Variants in TRPS1 observed in about 807,000 individuals in gnomAD.
TRPS1 encodes the protein transcriptional repressor GATA binding 1.
Under a neutral mutation model 101.2 loss-of-function variants are expected in TRPS1, and 6 were observed. The observed-to-expected ratio is 0.06, with a 90% CI of 0.03 to 0.12. The LOEUF is 0.12. TRPS1 is among the 10% of genes least tolerant of loss of function. The probability of loss-of-function intolerance (pLI) is 1.00; values close to 1 mark genes in which losing one functional copy is unlikely to be tolerated. For synonymous variants in TRPS1, 578 were observed against 589.8 expected (o/e 0.98, Z 0.29); for missense variants, 1,363 against 1,567.0 (o/e 0.87, Z 2.20).
chr8:115,444,824 A>C (rs2129899228), intron 5 of TRPS1, among the ~76,000 whole-genome samples: 1 of 152,218 alleles, frequency 6.6e-6, no homozygotes, highest in East Asian at 1.9e-4. Context: ...CACCATATCC[A>C]ATTAGTCACC....
At chr8:115,517,144 G>C (rs1815733440) in intron 5 of TRPS1, among the ~76,000 whole-genome samples, 1 of 151,534 alleles carries the variant, frequency 6.6e-6, no homozygotes, top group Non-Finnish European at 1.5e-5. Context: ...CTAACAAATT[G>C]TTTTAAAATA....
chr8:115,655,754 T>C (rs1216926922), intron 1 of TRPS1, among the ~76,000 whole-genome samples: 1 of 152,162 alleles, frequency 6.6e-6, no homozygotes, highest in Non-Finnish European at 1.5e-5. Context: ...TATCTGTACA[T>C]AGAGGCTTTG....
intron 5 of TRPS1, among the ~76,000 whole-genome samples, chr8:115,586,571 C>T (rs1250201071): frequency 6.6e-6 from 1 of 152,222 alleles, no homozygotes; most frequent in African/African-American, 2.4e-5. Context: ...AAGGACATTA[C>T]ATTCTTAGTG....
At chr8:115,581,275 A>T (rs1035672642) in intron 5 of TRPS1, among the ~76,000 whole-genome samples, 1 of 152,112 alleles carries the variant, frequency 6.6e-6, no homozygotes, top group Non-Finnish European at 1.5e-5. Flanking sequence ...GAAAGGGAGA[A>T]TAGGCAGAGA....
chr8:115,595,018 C>A (rs1204254703), intron 4 of TRPS1, among the ~76,000 whole-genome samples: 1 of 151,726 alleles, frequency 6.6e-6, no homozygotes, highest in Non-Finnish European at 1.5e-5. Context: ...ATTTTAACCA[C>A]AGTTTTTATT....
chr8:115,418,488 G>C lies in TRPS1; in HGVS notation c.2701-36C>G. ...GGAAAAAAACCAAGGTCAGAGGTGA[G>C]TCACATGATCAGTGGAGTTAGACCA... On this transcript the variant is annotated intron_variant, in intron 5 of 6. Transcript: ENST00000395715. The surrounding 1 kb of genome is among the most constrained non-coding windows in gnomAD (Gnocchi z 4.3). The C allele has an allele frequency of 6.2e-7, 1 of 1,613,956 alleles. No homozygotes were observed. Among genetic ancestry groups the C allele is most frequent in the South Asian group, 1.1e-5 (1 of 91,076 alleles).
At chr8:115,455,922 C>A (rs965466540) in intron 5 of TRPS1, among the ~76,000 whole-genome samples, 1 of 151,042 alleles carries the variant, frequency 6.6e-6, no homozygotes, top group Non-Finnish European at 1.5e-5. Flanking sequence ...GTAGCTGGGA[C>A]TACAGGCGCC....
At chr8:115,634,736 T>C (rs1818727507) in intron 1 of TRPS1, among the ~76,000 whole-genome samples, 1 of 152,082 alleles carries the variant, frequency 6.6e-6, no homozygotes, top group South Asian at 2.1e-4. Flanking sequence ...GTACTTTTAA[T>C]CCTGTTGTAA....
chr8:115,623,869 T>C (rs1818450057), intron 1 of TRPS1, 111 bp from the exon 2 acceptor site: 2 of 1,061,650 alleles, frequency 1.9e-6, no homozygotes. Context: ...GCCTGAAAGA[T>C]ATAAAAGCAT....
rs12543760 is a variant in TRPS1 at position 115,570,709 on chromosome 8, A to T, written c.2700+16292T>A. On this transcript the variant is annotated intron_variant, in intron 5 of 6. Transcript: ENST00000395715. ...CACACTCACACACACACACACACAC[A>T]CACACACACACTCACACTTCAATGA... Among the ~76,000 whole-genome samples the T allele has an allele frequency of 7.0e-3, 1,061 of 151,008 alleles. 24 individuals are homozygous for T. Among genetic ancestry groups the T allele is most frequent in the Admixed American group, 0.05 (757 of 15,162 alleles).
intron 5 of TRPS1, among the ~76,000 whole-genome samples, chr8:115,569,915 A>T (rs1817160301): frequency 6.6e-6 from 1 of 152,100 alleles, no homozygotes; most frequent in Admixed American, 6.6e-5. Flanking sequence ...ATTTTATTAA[A>T]AAAAGAAGGT....
chr8:115,461,175 G>A (rs1177809619), intron 5 of TRPS1, among the ~76,000 whole-genome samples: 2 of 152,042 alleles, frequency 1.3e-5, no homozygotes, highest in African/African-American at 4.8e-5. Flanking sequence ...AGAACTCTCT[G>A]TGTACCAGGC....
intron 5 of TRPS1, among the ~76,000 whole-genome samples, chr8:115,571,010 G>A (rs1328885539): frequency 6.6e-6 from 1 of 152,184 alleles, no homozygotes. Flanking sequence ...GACTGGGCCT[G>A]TAAGCCCAAG....
intron 4 of TRPS1, among the ~76,000 whole-genome samples, chr8:115,595,397 T>C (rs754611529): frequency 6.6e-6 from 1 of 151,868 alleles, no homozygotes; most frequent in Non-Finnish European, 1.5e-5. Context: ...TGTAAACTAG[T>C]TAAAAGAGGA....
chr8:115,501,491 A>G (rs1355000623), intron 5 of TRPS1, among the ~76,000 whole-genome samples: 1 of 152,140 alleles, frequency 6.6e-6, no homozygotes, highest in Non-Finnish European at 1.5e-5. Flanking sequence ...AAAACTCTCA[A>G]TTTCCAAATT....
intron 5 of TRPS1, among the ~76,000 whole-genome samples, chr8:115,500,824 C>T (rs1428516442): frequency 2.6e-5 from 4 of 151,746 alleles, no homozygotes; most frequent in East Asian, 3.9e-4. Context: ...CTGCCCGCCT[C>T]GGCCTCCCAA....
chr8:115,588,889 C>T (rs2130449770), intron 4 of TRPS1, among the ~76,000 whole-genome samples: 1 of 152,284 alleles, frequency 6.6e-6, no homozygotes, highest in Middle Eastern at 3.4e-3. Context: ...GATATATAGT[C>T]TTTGCCCACC....
chr8:115,577,355 G>A (rs1404259654), intron 5 of TRPS1, among the ~76,000 whole-genome samples: 1 of 152,014 alleles, frequency 6.6e-6, no homozygotes, highest in Admixed American at 6.6e-5. Flanking sequence ...ATAAATGTAT[G>A]GTTAAGAGTG....
chr8:115,497,325 C>G lies in TRPS1; in HGVS notation c.2701-78873G>C, dbSNP rs1392774492. On this transcript the variant is annotated intron_variant, in intron 5 of 6. Transcript: ENST00000395715. Reference sequence around the variant, plus strand: ...GAAGTTCACAATAGGGTTTACTCTCCTATGCGAATCTAAGGCAGTTGCTGA... The same window carrying G: ...GAAGTTCACAATAGGGTTTACTCTCGTATGCGAATCTAAGGCAGTTGCTGA... Among the ~76,000 whole-genome samples the G allele has an allele frequency of 3.9e-5, 6 of 152,288 alleles. No individual in the cohort carries two copies. The East Asian group carries it at 1.2e-3, about 29-fold the overall frequency.
Sources: gnomAD v4.1 joint callset for allele counts (sites outside exome capture counted in the v4.1 genomes callset) on GRCh38, gnomAD v4.1.1 for gene constraint, Gnocchi (gnomAD v3.1) non-coding constraint, MANE v1.5 for transcripts, NCBI Gene and HGNC (gene_info 2026-07-23, HGNC 2026-07-21) for gene names.